Variants in RNF41 observed in about 807,000 individuals in gnomAD.
The protein encoded by RNF41 is ring finger protein 41, also known as E3 ubiquitin-protein ligase NRDP1.
In RNF41, 4 loss-of-function variants were observed where a neutral mutation model predicts 33.0. The observed-to-expected ratio is 0.12, with a 90% CI of 0.06 to 0.28. The LOEUF is 0.28. RNF41 is among the 10% of genes least tolerant of loss of function. The probability of loss-of-function intolerance (pLI) is 1.00; values close to 1 mark genes in which losing one functional copy is unlikely to be tolerated. For synonymous variants in RNF41, 164 were observed against 153.2 expected (o/e 1.07, Z -0.52); for missense variants, 228 against 432.6 (o/e 0.53, Z 4.19).
chr12:56,217,750 T>C (rs1337029685), intron 1 of RNF41, among the ~76,000 whole-genome samples: 2 of 152,020 alleles, frequency 1.3e-5, no homozygotes, highest in Non-Finnish European at 2.9e-5. Flanking sequence ...CGGCATTTGA[T>C]TCTCATTGGA....
At chr12:56,215,717 CAAAAAA>C (rs58103466) in intron 2 of RNF41, among the ~76,000 whole-genome samples, 2 of 74,526 alleles carry the variant, frequency 2.7e-5, no homozygotes, top group Admixed American at 2.8e-4. Flanking sequence ...GACTCTGTCT[CAAAAAA>C]AAAAAAAAAA....
Position 56,206,388 on chromosome 12 carries a change from CT to C in RNF41, c.*58del. 6.9e-7 allele frequency: 1 copy of C among 1,444,316 alleles called. No individual in the cohort carries two copies. Among genetic ancestry groups the C allele is most frequent in the Non-Finnish European group, 9.5e-7 (1 of 1,048,242 alleles). 89.5% of individuals were successfully genotyped at this position (1,444,316 alleles called of 1,614,324 possible). A position where few individuals can be genotyped will look rare whatever the true frequency, so the allele number is the denominator to read the frequency against. Reference sequence around the variant, plus strand: ...ATGGTGGGTAGGACTCAGGTCCCAGCTGCTGGAGTGATGGGATTTTCTGATT... The same window carrying C: ...ATGGTGGGTAGGACTCAGGTCCCAGCGCTGGAGTGATGGGATTTTCTGATT... On this transcript the variant is annotated 3_prime_UTR_variant, in exon 7 of 7. Coordinates refer to ENST00000345093, the MANE Select transcript of RNF41 (RefSeq NM_005785.4). The surrounding 1 kb of genome is among the most constrained non-coding windows in gnomAD (Gnocchi z 5.7).
At chr12:56,210,122 A>C in intron 4 of RNF41, 175 bp downstream of exon 4, 1 of 648,068 alleles carries the variant, frequency 1.5e-6, no homozygotes, top group Non-Finnish European at 2.6e-6. Flanking sequence ...CAAAATGATT[A>C]TAGTTGGAAA....
At chr12:56,207,531 C>T in intron 6 of RNF41, 115 bp downstream of exon 6, 1 of 850,194 alleles carries the variant, frequency 1.2e-6, no homozygotes, top group Non-Finnish European at 2.0e-6. Flanking sequence ...ATCTGAGAAG[C>T]AGTGACCCCC....
intron 4 of RNF41, 58 bp from the exon 5 acceptor site, chr12:56,208,356 A>G: frequency 6.3e-7 from 1 of 1,591,682 alleles, no homozygotes; most frequent in African/African-American, 1.3e-5. Flanking sequence ...CATGTATGCA[A>G]ATGGCCTATT....
rs955634416 is a variant in RNF41 at position 56,210,137 on chromosome 12, G to T, written c.362+160C>A. 1.1e-5 allele frequency: 8 copies of T among 699,606 alleles called. No individual in the cohort carries two copies. In the South Asian group the frequency reaches 1.4e-4, roughly 12 times the overall value. 43.3% of individuals were successfully genotyped at this position (699,606 alleles called of 1,614,324 possible). A position where few individuals can be genotyped will look rare whatever the true frequency, so the allele number is the denominator to read the frequency against. On this transcript the variant is annotated intron_variant, in intron 4 of 6. Coordinates refer to ENST00000345093, the MANE Select transcript of RNF41 (RefSeq NM_005785.4). ...CAAAATGATTATAGTTGGAAAAGCA[G>T]CAAGAAAGTAAGATCTTAGAGCAGG...
chr12:56,208,127 T>C (rs529978924), intron 5 of RNF41, 36 bp downstream of exon 5: 1 of 1,613,708 alleles, frequency 6.2e-7, no homozygotes, highest in Non-Finnish European at 8.5e-7. Context: ...TATCTGCATA[T>C]GAGGGATATG....
chr12:56,207,794 C>T, intron 5 of RNF41, 45 bp from the exon 6 acceptor site: 4 of 1,487,176 alleles, frequency 2.7e-6, no homozygotes, highest in Non-Finnish European at 2.8e-6. Context: ...AGGCAGACAG[C>T]AGAAAAAAGA....
chr12:56,216,068 G>A (rs1036222625), intron 2 of RNF41, among the ~76,000 whole-genome samples: 1 of 151,844 alleles, frequency 6.6e-6, no homozygotes, highest in Non-Finnish European at 1.5e-5. Context: ...GTTGCAGTGA[G>A]CTGAGATCAT....
chr12:56,206,661 A>G lies in RNF41; in HGVS notation c.740T>C (p.Ile247Thr), dbSNP rs1030251951. ...CCAGCTACGCTCGTGGGCATTTTCA[A>G]TCAGCTCGTTGACAATAGAAGCAGG... is the stretch of plus-strand genomic sequence containing the variant. ...GCPASIVNEL[I>T]ENAHERSWPQ... The change falls in exon 7 of 7, where the codon ATT becomes ACT. Residue 247 changes from isoleucine (I) to threonine (T), a missense_variant. By Grantham distance (89) the Ile-to-Thr change is moderately conservative. This residue lies in a region of RNF41 where 199 missense variants were observed against 334.6 expected (regional missense o/e 0.59). Transcript: ENST00000345093. The surrounding 1 kb of genome is among the most constrained non-coding windows in gnomAD (Gnocchi z 5.7). The G allele has an allele frequency of 1.9e-6, 3 of 1,614,054 alleles. No homozygotes were observed. Among genetic ancestry groups the G allele is most frequent in the Middle Eastern group, 1.6e-4 (1 of 6,062 alleles).
At position 56,203,339 on chromosome 12, in the gene RNF41, A is replaced by G. The variant is rs1878674749; in HGVS notation, c.*3108T>C. On this transcript the variant is annotated 3_prime_UTR_variant, in exon 7 of 7. Coordinates refer to ENST00000345093, the MANE Select transcript of RNF41 (RefSeq NM_005785.4). Reference sequence around the variant, plus strand: ...GCTGGGATCATAGTGGCGTCCCACCATGTCTGGCTATCCTTTTTCTTATGA... The same window carrying G: ...GCTGGGATCATAGTGGCGTCCCACCGTGTCTGGCTATCCTTTTTCTTATGA... 1 of 149,364 alleles carries G rather than the reference A, an allele frequency of 6.7e-6. No individual in the cohort carries two copies. Among genetic ancestry groups the G allele is most frequent in the Non-Finnish European group, 1.5e-5 (1 of 67,812 alleles). The allele number at this position is 149,364 out of a possible 1,614,324, so 9.3% of individuals were successfully genotyped here.
chr12:56,210,627 G>C (rs1868402847), intron 3 of RNF41, 59 bp from the exon 4 acceptor site: 2 of 1,426,838 alleles, frequency 1.4e-6, no homozygotes, highest in Non-Finnish European at 1.9e-6. Context: ...TAAGAGCCTG[G>C]ATATGATATA....
At chr12:56,211,848 T>G (rs1238599129) in intron 3 of RNF41, among the ~76,000 whole-genome samples, 1 of 152,162 alleles carries the variant, frequency 6.6e-6, no homozygotes, top group Non-Finnish European at 1.5e-5. Flanking sequence ...GGCGGGTGCC[T>G]GTAGTCTCAG....
chr12:56,213,125 T>C (rs2135808363), intron 3 of RNF41: 1 of 1,287,570 alleles, frequency 7.8e-7, no homozygotes, highest in Non-Finnish European at 1.0e-6. Flanking sequence ...TGCATGGCTG[T>C]ATCAAAAGCT....
intron 4 of RNF41, chr12:56,209,944 T>G: frequency 3.6e-6 from 1 of 275,710 alleles, no homozygotes; most frequent in Non-Finnish European, 7.1e-6. Context: ...CCCACAGAAA[T>G]AAAAAAATAG....
chr12:56,207,715 C>A lies in RNF41; in HGVS notation c.533G>T (p.Arg178Leu). Residue 178 changes from arginine (R) to leucine (L), a missense_variant, in exon 6 of 7, where the codon CGT becomes CTT. Physicochemically the swap from Arg to Leu is moderately radical, Grantham distance 102. Around this residue, in one of 2 missense-constraint regions of RNF41, gnomAD observed 199 missense variants for 334.6 expected, o/e 0.59. Coordinates refer to ENST00000345093, the MANE Select transcript of RNF41 (RefSeq NM_005785.4). ...GTTGGGGTTGACACTGCGGATTGCACGCATGTATGCCTTTAGCAGCTGGAT... is the reference window on the plus strand; with the variant it reads ...GTTGGGGTTGACACTGCGGATTGCAAGCATGTATGCCTTTAGCAGCTGGAT... ...RDIQLLKAYM[R>L]AIRSVNPNLQ... is the part of the protein sequence containing the mutation. 1 of 1,614,112 alleles carries A rather than the reference C, an allele frequency of 6.2e-7. No individual in the cohort carries two copies. The highest frequency in any genetic ancestry group is 8.5e-7 in the Non-Finnish European group (1 of 1,179,980).
chr12:56,217,213 A>G (rs1868969840), intron 1 of RNF41, among the ~76,000 whole-genome samples: 1 of 151,884 alleles, frequency 6.6e-6, no homozygotes, highest in African/African-American at 2.4e-5. Context: ...TATTCAGTGC[A>G]CATAACTACC....
chr12:56,211,948 G>C (rs1418340350), intron 3 of RNF41, among the ~76,000 whole-genome samples: 2 of 151,820 alleles, frequency 1.3e-5, no homozygotes, highest in Non-Finnish European at 2.9e-5. Context: ...CTCCAGCCTA[G>C]GCTAAAGTGT....
At position 56,210,566 on chromosome 12, in the gene RNF41, T is replaced by C. The variant is rs760550542; in HGVS notation, c.93A>G (p.Ala31=). The change falls in exon 4 of 7, where the codon GCA becomes GCG. Residue 31 remains alanine (A), a splice_region_variant and synonymous_variant. Coordinates refer to ENST00000345093, the MANE Select transcript of RNF41 (RefSeq NM_005785.4). ...TGCAGAAAGCATGTTCACAATGAGGTGCCTAGAAGAGAGAACAAGGCAAAA... is the reference window on the plus strand; with the variant it reads ...TGCAGAAAGCATGTTCACAATGAGGCGCCTAGAAGAGAGAACAAGGCAAAA... ...CSGVLEEPVQ[A]PHCEHAFCNA... The C allele has an allele frequency of 6.2e-7, 1 of 1,612,018 alleles. No individual in the cohort carries two copies. Among genetic ancestry groups the C allele is most frequent in the South Asian group, 1.1e-5 (1 of 91,076 alleles).
Sources: allele counts gnomAD v4.1 joint callset (sites outside exome capture counted in the v4.1 genomes callset), GRCh38; gene constraint gnomAD v4.1.1; regional missense constraint gnomAD v4.1.1; non-coding constraint Gnocchi (gnomAD v3.1); transcripts MANE v1.5; gene names NCBI Gene and HGNC (gene_info 2026-07-23, HGNC 2026-07-21).